CAMK2D: variants seen among roughly 807,000 people sequenced by gnomAD.
CAMK2D encodes calcium/calmodulin dependent protein kinase II delta.
A neutral mutation model predicts 84.0 loss-of-function variants in CAMK2D; 37 were observed. The observed-to-expected ratio is 0.44, with a 90% CI of 0.34 to 0.58. The LOEUF (loss-of-function observed/expected upper bound fraction) is 0.58. Ranked by LOEUF, CAMK2D falls within the 20% of genes least tolerant of loss-of-function variation. The pLI is 0.02. For missense variants in CAMK2D, 448 were observed against 652.5 expected (o/e 0.69, Z 3.41); for synonymous variants, 202 against 212.5 (o/e 0.95, Z 0.43).
At chr4:113,520,322 C>T (rs1328381359) in intron 8 of CAMK2D, among the ~76,000 whole-genome samples, 1 of 151,948 alleles carries the variant, frequency 6.6e-6, no homozygotes, top group African/African-American at 2.4e-5. Flanking sequence ...GCAGGAGAAT[C>T]GCTTCAACTC....
intron 4 of CAMK2D, among the ~76,000 whole-genome samples, chr4:113,599,784 C>A (rs1411968183): frequency 6.6e-6 from 1 of 151,882 alleles, no homozygotes; most frequent in African/African-American, 2.4e-5. Context: ...CTAAGAAAAT[C>A]CTAAGGAAGA....
chr4:113,507,070 T>C (rs2098137540), intron 13 of CAMK2D, among the ~76,000 whole-genome samples: 1 of 152,214 alleles, frequency 6.6e-6, no homozygotes, highest in African/African-American at 2.4e-5. Flanking sequence ...ATGTTTAATA[T>C]GCAGTTAAAG....
intron 2 of CAMK2D, among the ~76,000 whole-genome samples, chr4:113,747,921 A>G (rs773223263): frequency 6.6e-6 from 1 of 152,126 alleles, no homozygotes; most frequent in Non-Finnish European, 1.5e-5. Context: ...GTCTATCACC[A>G]AGAGTTAGAA....
chr4:113,706,991 T>C (rs1430141310), intron 2 of CAMK2D, among the ~76,000 whole-genome samples: 4 of 152,036 alleles, frequency 2.6e-5, no homozygotes, highest in South Asian at 2.1e-4. Flanking sequence ...CAAAATAATA[T>C]GTTCTGGAAT....
At chr4:113,549,258 G>T (rs1160048171) in intron 5 of CAMK2D, among the ~76,000 whole-genome samples, 1 of 152,176 alleles carries the variant, frequency 6.6e-6, no homozygotes, top group Non-Finnish European at 1.5e-5. Flanking sequence ...GTTGCTTTTT[G>T]TAAAGTATAT....
At chr4:113,635,691 C>G (rs987838057) in intron 3 of CAMK2D, among the ~76,000 whole-genome samples, 3 of 152,144 alleles carry the variant, frequency 2.0e-5, no homozygotes, top group Non-Finnish European at 4.4e-5. Context: ...AGGGAGTGGA[C>G]AAATATAATA....
At chr4:113,541,129 A>G (rs1489438536) in intron 6 of CAMK2D, among the ~76,000 whole-genome samples, 1 of 152,246 alleles carries the variant, frequency 6.6e-6, no homozygotes, top group Admixed American at 6.5e-5. Flanking sequence ...CAAATGACTC[A>G]AAGTACATAG....
intron 2 of CAMK2D, among the ~76,000 whole-genome samples, chr4:113,718,187 T>TA: frequency 6.6e-6 from 1 of 152,308 alleles, no homozygotes; most frequent in South Asian, 2.1e-4. Context: ...AAATCAGTCT[T>TA]ATTTGAGTTG....
chr4:113,754,167 A>G, intron 2 of CAMK2D: 1 of 926,384 alleles, frequency 1.1e-6, no homozygotes, highest in Non-Finnish European at 1.3e-6. Flanking sequence ...TACTAGAAAT[A>G]CTATTGTAAC....
intron 4 of CAMK2D, among the ~76,000 whole-genome samples, chr4:113,570,357 G>A (rs1037840688): frequency 1.3e-5 from 2 of 152,078 alleles, no homozygotes; most frequent in Non-Finnish European, 2.9e-5. Flanking sequence ...TGAGCAAAGA[G>A]AACAAAGCTG....
At chr4:113,489,751 CCCA>C (rs2097804730) in intron 16 of CAMK2D, among the ~76,000 whole-genome samples, 1 of 141,644 alleles carries the variant, frequency 7.1e-6, no homozygotes, top group Admixed American at 7.2e-5. Flanking sequence ...AGTTTACAGT[CCCA>C]CCAACAGTGT....
At chr4:113,741,545 T>C (rs891346476) in intron 2 of CAMK2D, among the ~76,000 whole-genome samples, 2 of 152,158 alleles carry the variant, frequency 1.3e-5, no homozygotes, top group African/African-American at 4.8e-5. Flanking sequence ...AGACACCAAC[T>C]GGGGGTCTTG....
At chr4:113,602,900 G>C (rs2098959391) in intron 4 of CAMK2D, among the ~76,000 whole-genome samples, 1 of 152,202 alleles carries the variant, frequency 6.6e-6, no homozygotes, top group Non-Finnish European at 1.5e-5. Context: ...CAACACATAT[G>C]TTCAGGTGAC....
chr4:113,741,196 A>G (rs879801086), intron 2 of CAMK2D, among the ~76,000 whole-genome samples: 22 of 152,178 alleles, frequency 1.4e-4, no homozygotes, highest in Non-Finnish European at 2.5e-4. Context: ...GAAGCCGTTC[A>G]GCAAAGGAAA....
At chr4:113,652,772 G>A (rs1330560048) in intron 3 of CAMK2D, among the ~76,000 whole-genome samples, 2 of 152,132 alleles carry the variant, frequency 1.3e-5, no homozygotes, top group African/African-American at 2.4e-5. Flanking sequence ...AATAGGCTTA[G>A]TAGAATAAAT....
In CAMK2D at chr4:113,477,824, C is replaced by A. The variant is rs116783917; in HGVS notation, c.1136-12220G>T. Among the ~76,000 whole-genome samples the A allele has an allele frequency of 7.1e-4, 108 of 151,594 alleles. 1 individual carries two copies. The highest frequency in any genetic ancestry group is 2.5e-3 in the African/African-American group (102 of 41,326). On this transcript the variant is annotated intron_variant, in intron 16 of 20. Coordinates refer to ENST00000511664, the MANE Select transcript of CAMK2D (RefSeq NM_001321571.2). ...GTTCTTAGTTTAACCAATGCAACTG[C>A]AGTAAAAATTAAATTTATGAGCCAT...
chr4:113,752,272 T>C (rs2099619101), intron 2 of CAMK2D, among the ~76,000 whole-genome samples: 1 of 151,722 alleles, frequency 6.6e-6, no homozygotes, highest in African/African-American at 2.4e-5. Context: ...ATAAAACTTT[T>C]AACATTCCTA....
chr4:113,459,390 T>C (rs1012520707), intron 18 of CAMK2D, among the ~76,000 whole-genome samples: 9 of 151,906 alleles, frequency 5.9e-5, no homozygotes, highest in Admixed American at 2.6e-4. Context: ...GGTTAATTTT[T>C]ATATTCTTTG....
intron 2 of CAMK2D, among the ~76,000 whole-genome samples, chr4:113,756,030 A>T (rs1177555658): frequency 2.6e-5 from 4 of 152,010 alleles, no homozygotes; most frequent in African/African-American, 9.7e-5. Context: ...ACCCATCTAC[A>T]TGCTCAGTAT....
Sources: allele counts gnomAD v4.1 joint callset (sites outside exome capture counted in the v4.1 genomes callset), GRCh38; gene constraint gnomAD v4.1.1; transcripts MANE v1.5; gene names NCBI Gene and HGNC (gene_info 2026-07-23, HGNC 2026-07-21).